The following MSL3 variants were observed in gnomAD, a reference collection of about 807,000 sequenced individuals.
The protein encoded by MSL3 is MSL3-like 1.
MSL3 carries 5 observed loss-of-function variants against 37.2 expected under a neutral mutation model. The ratio of observed to expected loss-of-function variants is 0.13; its 90% CI spans 0.07 to 0.28. The LOEUF (loss-of-function observed/expected upper bound fraction) is 0.28, where lower values mean the gene tolerates loss of function less well. Ranked by LOEUF, MSL3 falls within the 10% of genes least tolerant of loss-of-function variation. MSL3 has a pLI of 1.00. For synonymous variants in MSL3, 149 were observed against 147.6 expected (o/e 1.01, Z -0.07); for missense variants, 315 against 408.5 (o/e 0.77, Z 1.97).
chrX:11,761,133 G>GTGAC (rs2053128611), intron 4 of MSL3, 196 bp downstream of exon 4: 1 of 405,936 alleles, frequency 2.5e-6, no homozygotes. Flanking sequence ...AGTCATGCTT[G>GTGAC]TGACTACTGC....
chrX:11,761,041 G>A (rs746613663), intron 4 of MSL3, 104 bp downstream of exon 4: 98 of 558,374 alleles, frequency 1.8e-4, no homozygotes, highest in Non-Finnish European at 2.7e-4. Context: ...AGCTCATTAT[G>A]TATAATATTT....
chrX:11,758,419 G>T lies in MSL3; in HGVS notation c.102+54G>T, dbSNP rs764956235. The T allele has an allele frequency of 1.4e-5, 13 of 932,275 alleles. No individual in the cohort carries two copies. The African/African-American group carries it at 2.7e-4, about 19-fold the overall frequency. 76.8% of individuals were successfully genotyped at this position (932,275 alleles called of 1,213,427 possible). On this transcript the variant is annotated intron_variant, in intron 1 of 12. Transcript: ENST00000312196. ...CGCGGGCTGGGGGACCCGGGACCGG[G>T]GGCGGGGGCGGGGGCGGACGGCCGC...
At chrX:11,770,521 C>T (rs994541914) in intron 10 of MSL3, among the ~76,000 whole-genome samples, 5 of 111,421 alleles carry the variant, frequency 4.5e-5, no homozygotes, top group Non-Finnish European at 9.4e-5. Flanking sequence ...GGGGTTCAGG[C>T]GGCTCTCACA....
chrX:11,760,101 T>C, intron 2 of MSL3: 2 of 404,810 alleles, frequency 4.9e-6, no homozygotes, highest in Non-Finnish European at 8.3e-6. Flanking sequence ...TTAGAAACAC[T>C]TGTAGAGAAG....
At chrX:11,769,530 G>A (rs1164746092) in intron 10 of MSL3, among the ~76,000 whole-genome samples, 1 of 112,609 alleles carries the variant, frequency 8.9e-6, no homozygotes, top group African/African-American at 3.2e-5. Context: ...CTCCTAGGAG[G>A]TGAGATTTCC....
intron 4 of MSL3, 99 bp downstream of exon 4, chrX:11,761,036 A>C: frequency 1.7e-6 from 1 of 572,997 alleles, no homozygotes; most frequent in Non-Finnish European, 2.7e-6. Context: ...CTTCAAGCTC[A>C]TTATGTATAA....
At chrX:11,759,715 CTG>C in intron 1 of MSL3, 76 bp from the exon 2 acceptor site, 1 of 1,191,653 alleles carries the variant, frequency 8.4e-7, no homozygotes, top group Non-Finnish European at 1.1e-6. Flanking sequence ...AAAAAAGGGT[CTG>C]TGAATTAGTT....
At chrX:11,774,648 A>G (rs2053259121) in intron 12 of MSL3, among the ~76,000 whole-genome samples, 1 of 111,637 alleles carries the variant, frequency 9.0e-6, no homozygotes, top group Non-Finnish European at 1.9e-5. Flanking sequence ...AGTTTGTTTG[A>G]ACAACAGAAA....
rs2053196171 is a variant in MSL3, at chrX:11,767,606, G to T, written c.1172-967G>T. 2.6e-5 allele frequency: 3 copies of T among 114,451 alleles called. No individual in the cohort carries two copies. The Admixed American group carries it at 2.8e-4, about 11-fold the overall frequency. The allele number at this position is 114,451 out of a possible 1,213,427, so 9.4% of individuals were successfully genotyped here. A position where few individuals can be genotyped will look rare whatever the true frequency, so the allele number is the denominator to read the frequency against. ...AGTGAGCTCTCATTGGGCCACTGCAGTCGAGCCTGGGCGACACAAAGAGAC... is the reference window on the plus strand; with the variant it reads ...AGTGAGCTCTCATTGGGCCACTGCATTCGAGCCTGGGCGACACAAAGAGAC... On this transcript the variant is annotated intron_variant, in intron 9 of 12. Transcript: ENST00000312196.
intron 1 of MSL3, among the ~76,000 whole-genome samples, chrX:11,759,071 C>G (rs940891748): frequency 8.9e-6 from 1 of 111,895 alleles, no homozygotes; most frequent in Non-Finnish European, 1.9e-5. Flanking sequence ...CAGGAGTTGG[C>G]ACCAGGTCTC....
chrX:11,770,430 G>A (rs2053222875), intron 10 of MSL3, among the ~76,000 whole-genome samples: 1 of 112,095 alleles, frequency 8.9e-6, no homozygotes. Flanking sequence ...TCCCACTCCG[G>A]TCTGCAGTGC....
At chrX:11,760,987 C>A in intron 4 of MSL3, 50 bp downstream of exon 4, 1 of 889,162 alleles carries the variant, frequency 1.1e-6, no homozygotes, top group Non-Finnish European at 1.6e-6. Context: ...TCCACCTAGA[C>A]TGAGAGAAGG....
chrX:11,759,646 T>G (rs1156277689), intron 1 of MSL3, 147 bp from the exon 2 acceptor site: 4 of 1,104,814 alleles, frequency 3.6e-6, no homozygotes, highest in Non-Finnish European at 4.7e-6. Flanking sequence ...GGGAAAAAAA[T>G]GAAAGGAAAA....
intron 2 of MSL3, 91 bp downstream of exon 2, chrX:11,759,966 A>C: frequency 9.8e-7 from 1 of 1,020,028 alleles, no homozygotes; most frequent in Non-Finnish European, 1.3e-6. Context: ...CTTGTAGAGA[A>C]GTTTGTTTCA....
intron 4 of MSL3, 64 bp from the exon 5 acceptor site, chrX:11,761,436 C>T (rs116035246): frequency 2.8e-6 from 2 of 704,761 alleles, no homozygotes; most frequent in African/African-American, 4.4e-5. Context: ...ACGTGAAGAT[C>T]TGTAGACATA....
At chrX:11,763,216 T>C (rs989074245) in intron 7 of MSL3, among the ~76,000 whole-genome samples, 3 of 113,391 alleles carry the variant, frequency 2.6e-5, no homozygotes, top group Admixed American at 1.8e-4. Context: ...CATGGATGCA[T>C]TGAAAGTGCA....
intron 10 of MSL3, among the ~76,000 whole-genome samples, chrX:11,769,303 G>A (rs772480621): frequency 3.6e-5 from 4 of 112,216 alleles, no homozygotes; most frequent in Non-Finnish European, 7.5e-5. Flanking sequence ...ACCAATAGCC[G>A]TCCCTTCAGG....
intron 5 of MSL3, 150 bp from the exon 6 acceptor site, chrX:11,761,980 T>A: frequency 2.3e-6 from 1 of 440,228 alleles, no homozygotes; most frequent in Non-Finnish European, 3.9e-6. Context: ...CCAAACAAGT[T>A]AACTTTTGGC....
At chrX:11,761,131 T>C in intron 4 of MSL3, 194 bp downstream of exon 4, 1 of 408,595 alleles carries the variant, frequency 2.4e-6, no homozygotes, top group Non-Finnish European at 4.3e-6. Context: ...AGAGTCATGC[T>C]TGTGACTACT....
Sources: gnomAD v4.1 joint callset for allele counts (sites outside exome capture counted in the v4.1 genomes callset) on GRCh38, gnomAD v4.1.1 for gene constraint, MANE v1.5 for transcripts, NCBI Gene and HGNC (gene_info 2026-07-23, HGNC 2026-07-21) for gene names.